ADAM10: variants seen among roughly 807,000 people sequenced by gnomAD.
ADAM10 encodes the protein ADAM metallopeptidase domain 10, also known as disintegrin and metalloproteinase domain-containing protein 10.
A neutral mutation model predicts 90.1 loss-of-function variants in ADAM10; 17 were observed. The ratio of observed to expected loss-of-function variants is 0.19; its 90% confidence interval spans 0.13 to 0.28. ADAM10 has a LOEUF of 0.28. Among genes scored for constraint, ADAM10 ranks in the 10% least tolerant of loss-of-function variants. The pLI, the probability that ADAM10 is intolerant of heterozygous loss-of-function variation, is 1.00. For synonymous variants in ADAM10, 310 were observed against 298.6 expected, an observed-to-expected ratio of 1.04 and a Z score of -0.40; for missense variants, 610 against 914.3, an observed-to-expected ratio of 0.67 and a Z score of 4.29.
At chr15:58,652,220 T>A (rs1016461405) in intron 5 of ADAM10, among the ~76,000 whole-genome samples, 1 of 152,202 alleles carries the variant, frequency 6.6e-6, no homozygotes, top group Non-Finnish European at 1.5e-5. Flanking sequence ...GTTAATCGTA[T>A]CCTTTGCTGA....
intron 2 of ADAM10, among the ~76,000 whole-genome samples, chr15:58,710,168 A>G (rs199525360): frequency 6.6e-6 from 1 of 152,086 alleles, no homozygotes; most frequent in East Asian, 1.9e-4. Context: ...AGTCCCAGCT[A>G]CTCGGGAGGC....
At chr15:58,739,188 T>C (rs1391363354) in intron 1 of ADAM10, among the ~76,000 whole-genome samples, 1 of 152,178 alleles carries the variant, frequency 6.6e-6, no homozygotes, top group Non-Finnish European at 1.5e-5. Context: ...GTGAATTTTA[T>C]GGGCTACCAA....
chr15:58,733,607 T>C (rs1436423034), intron 1 of ADAM10, among the ~76,000 whole-genome samples: 1 of 152,152 alleles, frequency 6.6e-6, no homozygotes, highest in Non-Finnish European at 1.5e-5. Flanking sequence ...TATAAGGGAC[T>C]TGAGCATTCA....
chr15:58,725,203 A>C (rs1898990457), intron 1 of ADAM10, among the ~76,000 whole-genome samples: 1 of 151,976 alleles, frequency 6.6e-6, no homozygotes, highest in African/African-American at 2.4e-5. Context: ...CAAAATAAAT[A>C]AATAAATAAA....
intron 14 of ADAM10, among the ~76,000 whole-genome samples, chr15:58,607,106 A>G (rs1317609301): frequency 6.6e-6 from 1 of 152,272 alleles, no homozygotes; most frequent in Middle Eastern, 3.2e-3. Context: ...TTAGCTTCTG[A>G]GCCATACAGA....
At chr15:58,668,650 A>G (rs973752329) in intron 4 of ADAM10, among the ~76,000 whole-genome samples, 7 of 152,108 alleles carry the variant, frequency 4.6e-5, no homozygotes, top group Admixed American at 2.6e-4. Flanking sequence ...GGTAGTATGC[A>G]CTACCCCAGG....
chr15:58,681,499 T>C (rs767419687), intron 3 of ADAM10, among the ~76,000 whole-genome samples: 1 of 152,186 alleles, frequency 6.6e-6, no homozygotes, highest in Admixed American at 6.5e-5. Context: ...TTTAACACTG[T>C]CTTAAGTGAG....
chr15:58,681,433 T>A (rs1291206451), intron 3 of ADAM10, among the ~76,000 whole-genome samples: 1 of 152,252 alleles, frequency 6.6e-6, no homozygotes, highest in Non-Finnish European at 1.5e-5. Flanking sequence ...AAGCATTTAA[T>A]TTTTCATGTT....
chr15:58,711,041 A>G (rs1459332105), intron 2 of ADAM10, among the ~76,000 whole-genome samples: 3 of 152,218 alleles, frequency 2.0e-5, no homozygotes, highest in Non-Finnish European at 4.4e-5. Context: ...AGTAGGGAGA[A>G]CTCAAATCCC....
chr15:58,625,448 C>T (rs147046543), intron 10 of ADAM10, among the ~76,000 whole-genome samples: 86 of 152,200 alleles, frequency 5.7e-4, no homozygotes, highest in Middle Eastern at 6.8e-3. Flanking sequence ...AAATTAAAAC[C>T]ATGAGATATC....
chr15:58,613,154 C>T (rs73426505), intron 11 of ADAM10, among the ~76,000 whole-genome samples: 1,675 of 152,316 alleles, frequency 0.011, 34 homozygotes, highest in African/African-American at 0.038. Context: ...CAAACTTCTA[C>T]AGCACAGACC....
Position 58,713,018 on chromosome 15 carries a change from T to C in ADAM10, c.206+4559A>G, listed in dbSNP as rs1898526978. Among the ~76,000 whole-genome samples, 2 of 152,302 alleles carry C rather than the reference T, an allele frequency of 1.3e-5. 1 individual carries two copies. The highest frequency in any genetic ancestry group is 4.1e-4 in the South Asian group (2 of 4,826). On this transcript the variant is annotated intron_variant, in intron 2 of 15. Transcript: ENST00000260408. ...CTTACTACTTAGTCATTAAGAACAA[T>C]TACCGATGAGGATGACATAGAGTAT...
intron 4 of ADAM10, among the ~76,000 whole-genome samples, chr15:58,668,405 T>C (rs1897125226): frequency 6.6e-6 from 1 of 152,078 alleles, no homozygotes; most frequent in Admixed American, 6.6e-5. Context: ...TACACAGGGG[T>C]GAATGGGTGA....
chr15:58,634,300 T>TA (rs61691654), intron 8 of ADAM10, among the ~76,000 whole-genome samples: 2,362 of 135,802 alleles, frequency 0.017, 87 homozygotes, highest in Admixed American at 0.11. Context: ...ACACTCTGTC[T>TA]AAAAAAAAAA....
chr15:58,632,815 AAAAG>A (rs1199787051), intron 9 of ADAM10, among the ~76,000 whole-genome samples: 1 of 152,254 alleles, frequency 6.6e-6, no homozygotes, highest in Non-Finnish European at 1.5e-5. Context: ...ACAAAACAAA[AAAAG>A]AATTTCTCAC....
intron 4 of ADAM10, among the ~76,000 whole-genome samples, chr15:58,667,224 T>C (rs1295523081): frequency 6.6e-6 from 1 of 152,148 alleles, no homozygotes; most frequent in Non-Finnish European, 1.5e-5. Context: ...CCAGTTCCTC[T>C]GCCAGCCTCT....
intron 1 of ADAM10, among the ~76,000 whole-genome samples, chr15:58,734,951 G>A (rs150787995): frequency 2.1e-3 from 315 of 152,252 alleles, no homozygotes; most frequent in African/African-American, 7.0e-3. Flanking sequence ...CCCTTGTACT[G>A]CTTACTACCT....
At chr15:58,626,919 A>T (rs1895965753) in intron 10 of ADAM10, among the ~76,000 whole-genome samples, 1 of 152,150 alleles carries the variant, frequency 6.6e-6, no homozygotes, top group Admixed American at 6.5e-5. Context: ...TTGTACCTAT[A>T]ATTAATGTCA....
intron 4 of ADAM10, among the ~76,000 whole-genome samples, chr15:58,672,115 T>C (rs1897206666): frequency 6.6e-6 from 1 of 152,188 alleles, no homozygotes; most frequent in South Asian, 2.1e-4. Flanking sequence ...CAAATATAAT[T>C]TTACTTGTTA....
Sources: gnomAD v4.1 joint callset for allele counts (sites outside exome capture counted in the v4.1 genomes callset) on GRCh38, gnomAD v4.1.1 for gene constraint, MANE v1.5 for transcripts, NCBI Gene and HGNC (gene_info 2026-07-23, HGNC 2026-07-21) for gene names.